Variants in ZDHHC21 observed in about 807,000 individuals in gnomAD.
ZDHHC21 encodes zDHHC palmitoyltransferase 21.
A neutral mutation model predicts 34.6 loss-of-function variants in ZDHHC21; 15 were observed. That is an observed-to-expected ratio of 0.43 (90% CI 0.29 to 0.67). The LOEUF (loss-of-function observed/expected upper bound fraction) is 0.67, where lower values mean the gene tolerates loss of function less well. Ranked by LOEUF, ZDHHC21 falls within the 30% of genes least tolerant of loss-of-function variation. The pLI is 0.14. For synonymous variants in ZDHHC21, 142 were observed against 101.8 expected (o/e 1.40, Z -2.38); for missense variants, 344 against 327.7 (o/e 1.05, Z -0.38).
At position 14,619,675 on chromosome 9, in the gene ZDHHC21, G is replaced by C; in HGVS notation, c.629C>G (p.Thr210Arg). The C allele has an allele frequency of 1.4e-6, 2 of 1,389,276 alleles. No individual in the cohort carries two copies. Among genetic ancestry groups the C allele is most frequent in the South Asian group, 2.4e-5 (2 of 82,164 alleles). 86.1% of individuals were successfully genotyped at this position (1,389,276 alleles called of 1,614,324 possible). Reference sequence around the variant, plus strand: ...ACAGTTTGACATCTTTTCAATAGATGTTGTATCCTATTAAAAATAAAAAAT... The same window carrying C: ...ACAGTTTGACATCTTTTCAATAGATCTTGTATCCTATTAAAAATAAAAAAT... ...TQLIGIITDTTSIEKMSNCCE... is the reference protein window; with the variant it reads ...TQLIGIITDTRSIEKMSNCCE... Residue 210 changes from threonine to arginine, a missense_variant, in exon 9 of 10, where the codon ACA becomes AGA. Thr to Arg is a moderately conservative substitution (Grantham distance 71). Coordinates refer to ENST00000380916, the MANE Select transcript of ZDHHC21 (RefSeq NM_178566.6).
the ZDHHC21 span, among the ~76,000 whole-genome samples, chr9:14,602,589 AGAG>A: frequency 6.6e-6 from 1 of 152,156 alleles, no homozygotes; most frequent in Non-Finnish European, 1.5e-5. Flanking sequence ...AAAAGCAGCA[AGAG>A]AAGAGCATCA....
At chr9:14,691,320 T>G (rs1016201223) in intron 1 of ZDHHC21, among the ~76,000 whole-genome samples, 1 of 152,238 alleles carries the variant, frequency 6.6e-6, no homozygotes, top group Non-Finnish European at 1.5e-5. Context: ...TGGCAGCAGT[T>G]TGCACTTGTT....
intron 7 of ZDHHC21, among the ~76,000 whole-genome samples, chr9:14,645,198 T>C (rs887707702): frequency 7.9e-5 from 12 of 152,002 alleles, no homozygotes; most frequent in Non-Finnish European, 1.8e-4. Context: ...TTCTACTAGA[T>C]AACATTTCTT....
intron 8 of ZDHHC21, among the ~76,000 whole-genome samples, chr9:14,639,077 T>C (rs1405266462): frequency 1.3e-5 from 2 of 152,090 alleles, no homozygotes; most frequent in African/African-American, 4.8e-5. Context: ...CACAGCACTA[T>C]TCACAAGAGC....
chr9:14,688,525 G>A (rs1426150092), intron 2 of ZDHHC21, among the ~76,000 whole-genome samples: 1 of 150,542 alleles, frequency 6.6e-6, no homozygotes, highest in Non-Finnish European at 1.5e-5. Flanking sequence ...GAGATCCACA[G>A]CAGCCTGGGC....
At chr9:14,648,224 C>T (rs1250830571) in intron 7 of ZDHHC21, among the ~76,000 whole-genome samples, 1 of 152,104 alleles carries the variant, frequency 6.6e-6, no homozygotes, top group Non-Finnish European at 1.5e-5. Context: ...TCTACCACTA[C>T]TAATAATCAT....
the ZDHHC21 span, among the ~76,000 whole-genome samples, chr9:14,591,264 G>C: frequency 0.016 from 2,398 of 152,118 alleles, 32 homozygotes; most frequent in Non-Finnish European, 0.026. Flanking sequence ...TAACATAATG[G>C]TATTAAGAGG....
At chr9:14,606,099 T>C (rs1564155697), downstream of ZDHHC21, among the ~76,000 whole-genome samples, 1 of 152,206 alleles carries the variant, frequency 6.6e-6, no homozygotes, top group Non-Finnish European at 1.5e-5. Flanking sequence ...AAGTACTAAA[T>C]TTCAAGGTAG....
Position 14,646,490 on chromosome 9 carries a change from CAAAT to C in ZDHHC21, c.505-6482_505-6479del, listed in dbSNP as rs575623573. Among the ~76,000 whole-genome samples the C allele has an allele frequency of 3.9e-3, 596 of 152,004 alleles. 4 individuals are homozygous for C. Among genetic ancestry groups the C allele is most frequent in the Non-Finnish European group, 3.9e-3 (265 of 67,946 alleles). On this transcript the variant is annotated intron_variant, in intron 7 of 9. Transcript: ENST00000380916. ...ATAAAAAACAGAGACAAAAATTTGT[CAAAT>C]AAGACACAGAAAAGGATGTGAGAGA...
intron 4 of ZDHHC21, 60 bp from the exon 5 acceptor site, chr9:14,672,988 A>T: frequency 9.2e-7 from 1 of 1,091,254 alleles, no homozygotes; most frequent in Non-Finnish European, 1.3e-6. Flanking sequence ...TTTATCAACA[A>T]TCATATTTAA....
At chr9:14,674,478 T>A (rs1835999774) in intron 3 of ZDHHC21, 93 bp from the exon 4 acceptor site, 4 of 663,790 alleles carry the variant, frequency 6.0e-6, no homozygotes, top group Admixed American at 7.3e-5. Flanking sequence ...GACATTGAGT[T>A]TTCTTTGCAT....
the ZDHHC21 span, chr9:14,589,850 A>C: frequency 6.6e-6 from 1 of 152,256 alleles, no homozygotes; most frequent in Non-Finnish European, 1.5e-5. Context: ...CAATACTTTT[A>C]AAGGCAAGTG....
chr9:14,668,735 A>G (rs930879031), intron 5 of ZDHHC21, among the ~76,000 whole-genome samples: 3 of 133,842 alleles, frequency 2.2e-5, no homozygotes, highest in Non-Finnish European at 4.8e-5. Context: ...AAACCTGAGA[A>G]AAACAAGCAA....
chr9:14,634,325 G>A (rs770197377), intron 8 of ZDHHC21, among the ~76,000 whole-genome samples: 5 of 152,232 alleles, frequency 3.3e-5, no homozygotes, highest in Non-Finnish European at 7.4e-5. Context: ...CCCAGGACCC[G>A]AGAACCTGTC....
At chr9:14,593,853 G>A in the ZDHHC21 span, 2 of 152,530 alleles carry the variant, frequency 1.3e-5, no homozygotes, top group South Asian at 2.1e-4. Context: ...AGTGCTTCTA[G>A]ACCACCTGGT....
intron 7 of ZDHHC21, among the ~76,000 whole-genome samples, chr9:14,649,233 T>C (rs781244523): frequency 3.3e-5 from 5 of 152,014 alleles, no homozygotes; most frequent in Non-Finnish European, 2.9e-5. Context: ...GTTAAAAGAA[T>C]AGAAACACCT....
intron 4 of ZDHHC21, 77 bp from the exon 5 acceptor site, chr9:14,673,005 A>AAAT: frequency 5.3e-6 from 5 of 944,508 alleles, no homozygotes; most frequent in Non-Finnish European, 7.5e-6. Context: ...TTAAAGTTTA[A>AAAT]AATGTATATT....
At chr9:14,684,757 CA>C (rs908176854) in intron 2 of ZDHHC21, among the ~76,000 whole-genome samples, 4 of 151,514 alleles carry the variant, frequency 2.6e-5, no homozygotes, top group African/African-American at 9.7e-5. Flanking sequence ...CAATCCTAAG[CA>C]AAAAAAACAA....
intron 7 of ZDHHC21, among the ~76,000 whole-genome samples, chr9:14,653,010 CAGA>C (rs1387373700): frequency 6.6e-5 from 10 of 151,872 alleles, no homozygotes; most frequent in Admixed American, 3.9e-4. Context: ...GTCTGGCTGA[CAGA>C]AGAACACAGG....
Sources: gnomAD v4.1 joint callset for allele counts (sites outside exome capture counted in the v4.1 genomes callset) on GRCh38, gnomAD v4.1.1 for gene constraint, MANE v1.5 for transcripts, NCBI Gene and HGNC (gene_info 2026-07-23, HGNC 2026-07-21) for gene names.